Variants in PLEKHA8 observed in about 807,000 individuals in gnomAD.
The protein encoded by PLEKHA8 is pleckstrin homology domain-containing family A member 8.
Under a neutral mutation model 68.2 loss-of-function variants are expected in PLEKHA8, and 36 were observed. The observed-to-expected ratio is 0.53, with a 90% CI of 0.40 to 0.70. PLEKHA8 has a LOEUF of 0.70. Among genes scored for constraint, PLEKHA8 ranks in the 30% least tolerant of loss-of-function variants. PLEKHA8 has a pLI of 0.00. For missense variants in PLEKHA8, 505 were observed against 615.4 expected (o/e 0.82, Z 1.90); for synonymous variants, 211 against 216.1 (o/e 0.98, Z 0.20).
intron 13 of PLEKHA8, among the ~76,000 whole-genome samples, chr7:30,076,619 C>T (rs1460868776): frequency 1.3e-5 from 2 of 152,104 alleles, no homozygotes; most frequent in African/African-American, 4.8e-5. Flanking sequence ...GTAATATACC[C>T]AAGGTTGTAG....
intron 1 of PLEKHA8, among the ~76,000 whole-genome samples, chr7:30,030,644 G>A (rs1461663905): frequency 2.6e-5 from 4 of 152,164 alleles, no homozygotes; most frequent in Non-Finnish European, 5.9e-5. Context: ...CACGTGCCCC[G>A]TCCTTGTAGG....
At chr7:30,037,161 A>T (rs1044141581) in intron 1 of PLEKHA8, among the ~76,000 whole-genome samples, 1 of 152,220 alleles carries the variant, frequency 6.6e-6, no homozygotes, top group Non-Finnish European at 1.5e-5. Context: ...CACTATTAAC[A>T]TATCTATATA....
At chr7:30,104,373 TCCTAGAAGATACATTCTG>T (rs975352387) in intron 13 of PLEKHA8, among the ~76,000 whole-genome samples, 31 of 152,296 alleles carry the variant, frequency 2.0e-4, no homozygotes, top group South Asian at 1.9e-3. Context: ...ACCCATCTTC[TCCTAGAAGATACATTCTG>T]CCTATCTGTT....
At chr7:30,118,798 C>T (rs1189599919) in intron 13 of PLEKHA8, among the ~76,000 whole-genome samples, 4 of 151,990 alleles carry the variant, frequency 2.6e-5, no homozygotes, top group African/African-American at 9.7e-5. Flanking sequence ...AGGATGATCT[C>T]GATCTCCAGA....
chr7:30,101,474 C>T (rs1340541535), intron 13 of PLEKHA8, among the ~76,000 whole-genome samples: 3 of 152,118 alleles, frequency 2.0e-5, no homozygotes, highest in African/African-American at 7.2e-5. Flanking sequence ...CAGACAGCCA[C>T]CTTCTTGCTG....
Position 30,115,900 on chromosome 7 carries a change from A to G in PLEKHA8, c.1363-13366A>G, listed in dbSNP as rs1045544533. ...GGCACGCATACATGCGTATACATGC[A>G]TGTATACATGCATGCGTGCGTGTAC... On this transcript the variant is annotated intron_variant, in intron 13 of 13. Transcript: ENST00000396257. 4 of 142,866 alleles carry G rather than the reference A, an allele frequency of 2.8e-5. 1 individual carries two copies. The highest frequency in any genetic ancestry group is 2.1e-4 in the East Asian group (1 of 4,708). 8.8% of individuals were successfully genotyped at this position (142,866 alleles called of 1,614,324 possible). A position where few individuals can be genotyped will look rare whatever the true frequency, so the allele number is the denominator to read the frequency against.
intron 13 of PLEKHA8, among the ~76,000 whole-genome samples, chr7:30,096,038 G>A (rs886277558): frequency 2.5e-4 from 38 of 152,216 alleles, no homozygotes; most frequent in African/African-American, 8.7e-4. Context: ...GAAGTCTAAA[G>A]TAGTTTTTTC....
At chr7:30,092,269 G>A (rs760798752), downstream of PLEKHA8, among the ~76,000 whole-genome samples, 18 of 152,078 alleles carry the variant, frequency 1.2e-4, no homozygotes, top group Admixed American at 2.0e-4. Flanking sequence ...AATAATAGTC[G>A]TTGTTATTGT....
intron 13 of PLEKHA8, chr7:30,115,985 TATGCATACGC>T (rs1439626308): frequency 3.7e-5 from 4 of 107,980 alleles, no homozygotes; most frequent in Admixed American, 9.1e-5. Flanking sequence ...TGCATGCATG[TATGCATACGC>T]ATACATACGC....
intron 9 of PLEKHA8, among the ~76,000 whole-genome samples, chr7:30,056,741 AAGTGTGTGTGTGTGTGT>A (rs1350684958): frequency 1.4e-5 from 1 of 72,196 alleles, no homozygotes; most frequent in African/African-American, 4.8e-5. Flanking sequence ...AAAAAAAAAA[AAGTGTGTGTGTGTGTGT>A]GTGTGTGTGT....
At chr7:30,111,845 G>C (rs564198682) in intron 13 of PLEKHA8, among the ~76,000 whole-genome samples, 1 of 152,110 alleles carries the variant, frequency 6.6e-6, no homozygotes, top group Non-Finnish European at 1.5e-5. Context: ...ACACATGACT[G>C]TGTATAAGTA....
intron 9 of PLEKHA8, among the ~76,000 whole-genome samples, chr7:30,056,348 ATATATATAACACATATATATAT>A (rs1160280102): frequency 1.3e-4 from 17 of 127,744 alleles, no homozygotes; most frequent in Middle Eastern, 4.0e-3. Flanking sequence ...CATATATATA[ATATATATAACACATATATATAT>A]AAATAACATA....
chr7:30,062,775 A>G, intron 12 of PLEKHA8, 33 bp downstream of exon 12: 11 of 1,543,242 alleles, frequency 7.1e-6, no homozygotes, highest in Non-Finnish European at 9.8e-6. Flanking sequence ...TGAATGAGTC[A>G]ATAGACTGTG....
At position 30,082,792 on chromosome 7, in the gene PLEKHA8, A is replaced by G. The variant is rs995256527; in HGVS notation, c.*4005A>G. On this transcript the variant is annotated 3_prime_UTR_variant, in exon 14 of 14. Coordinates refer to ENST00000449726, the MANE Select transcript of PLEKHA8 (RefSeq NM_001197026.2). The stretch of plus-strand genomic sequence containing the variant: ...TAATCTGATTGTGAAAATCATACAT[A>G]TGGAGAAACATCAGATCAGGCAATA... 1.9e-5 allele frequency: 19 copies of G among 985,304 alleles called. No individual in the cohort carries two copies. Among genetic ancestry groups the G allele is most frequent in the South Asian group, 9.4e-5 (2 of 21,286 alleles). 61.0% of individuals were successfully genotyped at this position (985,304 alleles called of 1,614,324 possible).
chr7:30,084,321 T>G lies in PLEKHA8; in HGVS notation c.*5534T>G, dbSNP rs576089859. 48 of 985,398 alleles carry G rather than the reference T, an allele frequency of 4.9e-5. No individual in the cohort carries two copies. The East Asian group carries it at 1.5e-3, about 30-fold the overall frequency. 61.0% of individuals were successfully genotyped at this position (985,398 alleles called of 1,614,324 possible). On this transcript the variant is annotated 3_prime_UTR_variant, in exon 14 of 14. Coordinates refer to ENST00000449726, the MANE Select transcript of PLEKHA8 (RefSeq NM_001197026.2). ...CACTTTGAATATCTGTCACGTGCAG[T>G]GTTAATGTTACCTGTTCTTGTCTCT... is the stretch of plus-strand genomic sequence containing the variant.
chr7:30,111,862 T>TA (rs536357801), intron 13 of PLEKHA8, among the ~76,000 whole-genome samples: 34 of 152,316 alleles, frequency 2.2e-4, no homozygotes, highest in Non-Finnish European at 4.3e-4. Context: ...AGTATATATA[T>TA]TTTTTAAATC....
chr7:30,031,509 C>T (rs1035241690), intron 1 of PLEKHA8, among the ~76,000 whole-genome samples: 4 of 152,080 alleles, frequency 2.6e-5, no homozygotes, highest in African/African-American at 9.7e-5. Context: ...GAAAGAGGAC[C>T]CATCTGGCTG....
chr7:30,041,243 G>A (rs764727156), intron 1 of PLEKHA8, among the ~76,000 whole-genome samples: 3 of 152,114 alleles, frequency 2.0e-5, no homozygotes, highest in Non-Finnish European at 4.4e-5. Flanking sequence ...GAAACTGCAA[G>A]AATTTTGTGC....
At chr7:30,091,589 T>C (rs922774032), downstream of PLEKHA8, among the ~76,000 whole-genome samples, 3 of 152,184 alleles carry the variant, frequency 2.0e-5, no homozygotes, top group African/African-American at 7.2e-5. Context: ...TGGGACATTC[T>C]TTTGGGGCTA....
Sources: gnomAD v4.1 joint callset for allele counts (sites outside exome capture counted in the v4.1 genomes callset) on GRCh38, gnomAD v4.1.1 for gene constraint, MANE v1.5 for transcripts, NCBI Gene and HGNC (gene_info 2026-07-23, HGNC 2026-07-21) for gene names.